Variants in SV2C observed in about 807,000 individuals in gnomAD.
SV2C encodes the protein synaptic vesicle glycoprotein 2C.
SV2C carries 49 observed loss-of-function variants against 79.7 expected under a neutral mutation model. The observed-to-expected ratio is 0.61, with a 90% CI of 0.49 to 0.78. The LOEUF is 0.78. SV2C is among the 30% of genes least tolerant of loss of function. The pLI, the probability that SV2C is intolerant of heterozygous loss-of-function variation, is 0.00. For missense variants in SV2C, 833 were observed against 912.9 expected (o/e 0.91, Z 1.13); for synonymous variants, 334 against 333.2 (o/e 1.00, Z -0.03).
the SV2C span, among the ~76,000 whole-genome samples, chr5:75,998,663 T>C: frequency 6.6e-6 from 1 of 151,396 alleles, no homozygotes; most frequent in Non-Finnish European, 1.5e-5. Flanking sequence ...TATGTGTGAA[T>C]GTGTATGTGT....
At position 76,155,373 on chromosome 5, in the gene SV2C, C is replaced by T. The variant is rs545103850; in HGVS notation, c.580+23043C>T. ...GCTGTAGTATTTGAAGCAAGACCTC[C>T]ACTTTTCTTCCCCCACTCCAAACTC... is the stretch of plus-strand genomic sequence containing the variant. On this transcript the variant is annotated intron_variant, in intron 2 of 12. Transcript: ENST00000502798. Among the ~76,000 whole-genome samples, 5 of 152,294 alleles carry T rather than the reference C, an allele frequency of 3.3e-5. No individual in the cohort carries two copies. In the South Asian group the frequency reaches 1.0e-3, roughly 32 times the overall value.
the SV2C span, among the ~76,000 whole-genome samples, chr5:75,996,210 C>T: frequency 6.6e-6 from 1 of 152,120 alleles, no homozygotes. Flanking sequence ...TATGGCTAGC[C>T]AGTTTTCCCA....
chr5:76,246,875 A>G (rs1006884477), intron 4 of SV2C, among the ~76,000 whole-genome samples: 2 of 152,122 alleles, frequency 1.3e-5, no homozygotes, highest in African/African-American at 2.4e-5. Flanking sequence ...TCTTGTGTCA[A>G]CTCTAAAGTG....
chr5:75,860,057 C>G, the SV2C span, among the ~76,000 whole-genome samples: 4 of 152,120 alleles, frequency 2.6e-5, no homozygotes. Flanking sequence ...ACTCCTTTGT[C>G]TCTGCTGGAC....
intron 12 of SV2C, among the ~76,000 whole-genome samples, chr5:76,352,876 A>T (rs1260581059): frequency 6.6e-6 from 1 of 150,926 alleles, no homozygotes; most frequent in Non-Finnish European, 1.5e-5. Context: ...TATTGCTCCC[A>T]TGTGTCATTT....
intron 1 of SV2C, among the ~76,000 whole-genome samples, chr5:76,107,246 A>G (rs1459627741): frequency 6.6e-6 from 1 of 152,228 alleles, no homozygotes; most frequent in Non-Finnish European, 1.5e-5. Context: ...GTTTCCAAAT[A>G]TGAGGATTAT....
chr5:76,016,652 G>A, the SV2C span, among the ~76,000 whole-genome samples: 1 of 152,182 alleles, frequency 6.6e-6, no homozygotes, highest in Admixed American at 6.5e-5. Flanking sequence ...GTGTGATGAT[G>A]TAATGAGTAA....
chr5:76,129,638 G>C (rs1748816106), intron 1 of SV2C, among the ~76,000 whole-genome samples: 1 of 152,126 alleles, frequency 6.6e-6, no homozygotes, highest in African/African-American at 2.4e-5. Context: ...GACCTCTTTA[G>C]GGATGAAAAC....
the SV2C span, among the ~76,000 whole-genome samples, chr5:76,041,516 G>A: frequency 1.2e-4 from 19 of 152,146 alleles, no homozygotes; most frequent in South Asian, 6.2e-4. Flanking sequence ...ACTGCAGAGA[G>A]CCTAAAAGCA....
At chr5:75,869,357 G>T in the SV2C span, among the ~76,000 whole-genome samples, 3 of 152,212 alleles carry the variant, frequency 2.0e-5, no homozygotes, top group African/African-American at 7.2e-5. Context: ...GAATATCATT[G>T]GTAGTCTGGC....
intron 9 of SV2C, among the ~76,000 whole-genome samples, chr5:76,298,069 G>A (rs141211553): frequency 2.6e-5 from 4 of 152,200 alleles, no homozygotes; most frequent in Non-Finnish European, 5.9e-5. Context: ...TTTTTACCAC[G>A]TAGAATTCCC....
downstream of SV2C, among the ~76,000 whole-genome samples, chr5:76,334,717 A>C (rs1298156461): frequency 6.6e-6 from 1 of 152,230 alleles, no homozygotes. Flanking sequence ...GGAATCCTCC[A>C]GCAGACTCCC....
chr5:76,089,825 A>C (rs1561210673), intron 1 of SV2C, among the ~76,000 whole-genome samples: 5 of 152,128 alleles, frequency 3.3e-5, no homozygotes. Flanking sequence ...TAACCTCTCT[A>C]AGCCTAAATT....
the SV2C span, among the ~76,000 whole-genome samples, chr5:76,034,528 T>C: frequency 5.9e-5 from 9 of 152,224 alleles, no homozygotes; most frequent in Non-Finnish European, 1.2e-4. Context: ...TGTCTTTGGC[T>C]CTGTTTATAT....
chr5:76,107,633 G>A (rs1747963225), intron 1 of SV2C, among the ~76,000 whole-genome samples: 2 of 152,186 alleles, frequency 1.3e-5, no homozygotes, highest in Admixed American at 1.3e-4. Flanking sequence ...GGAGGCCAAG[G>A]CAGGCGGATC....
chr5:76,002,265 G>A, the SV2C span, among the ~76,000 whole-genome samples: 1 of 152,020 alleles, frequency 6.6e-6, no homozygotes, highest in Non-Finnish European at 1.5e-5. Context: ...GAATTGTGTT[G>A]CTATAAACAT....
intron 11 of SV2C, 51 bp downstream of exon 11, chr5:76,300,983 G>A (rs747639967): frequency 1.3e-5 from 20 of 1,598,476 alleles, no homozygotes; most frequent in African/African-American, 2.7e-5. Context: ...GCAATCCAGA[G>A]GGACCCTGTT....
At chr5:75,984,921 C>A in the SV2C span, among the ~76,000 whole-genome samples, 1 of 152,058 alleles carries the variant, frequency 6.6e-6, no homozygotes, top group Non-Finnish European at 1.5e-5. Flanking sequence ...TTTATCACAT[C>A]TTTACCTTCA....
At chr5:76,310,519 A>G (rs1010052236) in intron 12 of SV2C, among the ~76,000 whole-genome samples, 1 of 152,214 alleles carries the variant, frequency 6.6e-6, no homozygotes, top group African/African-American at 2.4e-5. Flanking sequence ...AGAGTGGACA[A>G]TAAAAGGGCT....
Sources: allele counts gnomAD v4.1 joint callset (sites outside exome capture counted in the v4.1 genomes callset), GRCh38; gene constraint gnomAD v4.1.1; transcripts MANE v1.5; gene names NCBI Gene and HGNC (gene_info 2026-07-23, HGNC 2026-07-21).